AVEN: variants seen among roughly 807,000 people sequenced by gnomAD.
AVEN encodes cell death regulator Aven.
A neutral mutation model predicts 38.1 loss-of-function variants in AVEN; 41 were observed. That is an observed-to-expected ratio of 1.08 (90% CI 0.84 to 1.40). AVEN has a LOEUF of 1.40. AVEN is among the 40% of genes most tolerant of loss of function. AVEN has a pLI of 0.00. For missense variants in AVEN, 605 were observed against 438.8 expected (o/e 1.38, Z -3.38); for synonymous variants, 206 against 171.8 (o/e 1.20, Z -1.56).
intron 2 of AVEN, among the ~76,000 whole-genome samples, chr15:33,994,676 G>C (rs1249673501): frequency 6.6e-6 from 1 of 152,280 alleles, no homozygotes; most frequent in East Asian, 1.9e-4. Flanking sequence ...TATACATACA[G>C]TGTGTGTGAA....
intron 1 of AVEN, among the ~76,000 whole-genome samples, chr15:34,031,005 C>T (rs376454148): frequency 1.7e-4 from 26 of 152,100 alleles, no homozygotes; most frequent in Middle Eastern, 3.4e-3. Context: ...TGACTATGTT[C>T]GTTTCACAGA....
chr15:33,947,963 C>T (rs969307069), intron 2 of AVEN, among the ~76,000 whole-genome samples: 1 of 152,112 alleles, frequency 6.6e-6, no homozygotes, highest in African/African-American at 2.4e-5. Context: ...TTAAGAATGG[C>T]ATTAAAAATC....
chr15:34,050,840 G>A lies in AVEN; in HGVS notation n.1637+12082C>T, dbSNP rs1031671933. Among the ~76,000 whole-genome samples the A allele has an allele frequency of 4.6e-5, 7 of 152,254 alleles. No individual in the cohort carries two copies. In the South Asian group the frequency reaches 1.5e-3, roughly 32 times the overall value. On this transcript the variant is annotated intron_variant and non_coding_transcript_variant, in intron 5 of 11. Coordinates refer to the AVEN transcript ENST00000675287. ...TATGCACCCAATACAGGAGCACCCAGATTCATAAAACAAGTTCTTAGAGAC... is the reference window on the plus strand; with the variant it reads ...TATGCACCCAATACAGGAGCACCCAAATTCATAAAACAAGTTCTTAGAGAC...
At chr15:34,066,732 A>C (rs1900520741) in exon 3 of AVEN, 1 of 152,094 alleles carries the variant, frequency 6.6e-6, no homozygotes, top group South Asian at 2.1e-4. Flanking sequence ...GGAGGATCGC[A>C]TGAGCCCAGG....
intron 2 of AVEN, among the ~76,000 whole-genome samples, chr15:33,896,884 A>G (rs1892253170): frequency 6.6e-6 from 1 of 152,196 alleles, no homozygotes; most frequent in South Asian, 2.1e-4. Flanking sequence ...ATAAAACCCA[A>G]AAGGTAGATA....
chr15:33,879,494 T>C (rs1891394258), intron 2 of AVEN, among the ~76,000 whole-genome samples: 1 of 151,792 alleles, frequency 6.6e-6, no homozygotes, highest in East Asian at 1.9e-4. Context: ...ATGGCACATG[T>C]ATACATATGT....
At chr15:34,053,482 C>T (rs1900020614) in intron 5 of AVEN, among the ~76,000 whole-genome samples, 1 of 151,402 alleles carries the variant, frequency 6.6e-6, no homozygotes, top group African/African-American at 2.4e-5. Context: ...AAAATAGACA[C>T]GTAGGCCAAT....
chr15:33,856,216 C>G (rs1000614732), downstream of AVEN: 1 of 152,234 alleles, frequency 6.6e-6, no homozygotes, highest in East Asian at 1.9e-4. Flanking sequence ...TCCTAAACCA[C>G]CTGCTTTCTG....
intron 2 of AVEN, among the ~76,000 whole-genome samples, chr15:33,935,697 T>C (rs374850770): frequency 6.6e-6 from 1 of 152,130 alleles, no homozygotes; most frequent in African/African-American, 2.4e-5. Flanking sequence ...ATTGTTTAAG[T>C]GGTAACCTAG....
intron 2 of AVEN, among the ~76,000 whole-genome samples, chr15:33,966,423 G>A (rs1895385723): frequency 6.6e-6 from 1 of 152,098 alleles, no homozygotes; most frequent in Non-Finnish European, 1.5e-5. Flanking sequence ...AACATAAAGT[G>A]TAACACAAAG....
intron 2 of AVEN, among the ~76,000 whole-genome samples, chr15:33,902,650 G>A (rs906446821): frequency 6.6e-6 from 1 of 152,084 alleles, no homozygotes; most frequent in Admixed American, 6.6e-5. Context: ...GATTTTATAC[G>A]TAGAAAACCC....
At chr15:33,866,873 A>C in intron 5 of AVEN, 145 bp from the exon 6 acceptor site, 1 of 623,700 alleles carries the variant, frequency 1.6e-6, no homozygotes, top group Non-Finnish European at 2.7e-6. Flanking sequence ...ATATCTAAAC[A>C]AATAAAGCTG....
At chr15:33,866,792 C>T (rs1253647268) in intron 5 of AVEN, 64 bp from the exon 6 acceptor site, 15 of 1,177,290 alleles carry the variant, frequency 1.3e-5, no homozygotes, top group Non-Finnish European at 5.0e-6. Flanking sequence ...TATAATTCAG[C>T]CCAATTTATT....
chr15:33,857,737 G>A (rs764904237), downstream of AVEN: 3 of 1,611,782 alleles, frequency 1.9e-6, no homozygotes, highest in Non-Finnish European at 1.7e-6. Flanking sequence ...TCAAGGTAGA[G>A]AAGACCCCAC....
chr15:34,062,554 C>CAAAAAAAAAA (rs10632153), intron 5 of AVEN: 2 of 411,374 alleles, frequency 4.9e-6, no homozygotes, highest in Middle Eastern at 6.2e-4. Flanking sequence ...GATTCTGTCT[C>CAAAAAAAAAA]AAAAAAAAAA....
intron 2 of AVEN, among the ~76,000 whole-genome samples, chr15:33,996,421 T>C (rs551860100): frequency 6.6e-6 from 1 of 152,246 alleles, no homozygotes; most frequent in South Asian, 2.1e-4. Flanking sequence ...GGGAGACAAC[T>C]CCCAGTAGGG....
In AVEN at chr15:34,001,218, C is replaced by T. The variant is rs189470095; in HGVS notation, c.445+1814G>A. On this transcript the variant is annotated intron_variant, in intron 2 of 5. Transcript: ENST00000306730. The stretch of plus-strand genomic sequence containing the variant: ...TGTGTTTTTAGTAGAAACGGGGTTT[C>T]ACTATGTTGGCCAGGATGGTCTCGA... Among the ~76,000 whole-genome samples the T allele has an allele frequency of 1.4e-3, 216 of 151,998 alleles. 2 individuals carry two copies. Among genetic ancestry groups the T allele is most frequent in the African/African-American group, 5.0e-3 (206 of 41,434 alleles).
intron 2 of AVEN, among the ~76,000 whole-genome samples, chr15:33,932,862 T>TAAAA (rs1555508067): frequency 4.6e-5 from 7 of 151,624 alleles, no homozygotes; most frequent in African/African-American, 1.5e-4. Context: ...AATAAATAAA[T>TAAAA]AAAAATTGTA....
chr15:33,966,372 T>C (rs975469698), intron 2 of AVEN, among the ~76,000 whole-genome samples: 2 of 152,154 alleles, frequency 1.3e-5, no homozygotes, highest in Non-Finnish European at 2.9e-5. Context: ...GCACATATAG[T>C]CCTTATTCAG....
Sources: gnomAD v4.1 joint callset for allele counts (sites outside exome capture counted in the v4.1 genomes callset) on GRCh38, gnomAD v4.1.1 for gene constraint, MANE v1.5 for transcripts, NCBI Gene and HGNC (gene_info 2026-07-23, HGNC 2026-07-21) for gene names.